Variants in ITPA observed in about 807,000 individuals in gnomAD.
The protein encoded by ITPA is inosine triphosphatase, also known as inosine triphosphate pyrophosphatase.
In ITPA, 29 loss-of-function variants were observed where a neutral mutation model predicts 29.6. That is an observed-to-expected ratio of 0.98 (90% CI 0.73 to 1.34). The LOEUF is 1.34. Ranked by LOEUF, ITPA falls within the 40% of genes most tolerant of loss-of-function variation. The probability of loss-of-function intolerance (pLI) is 0.00; values close to 1 mark genes in which losing one functional copy is unlikely to be tolerated. For synonymous variants in ITPA, 103 were observed against 99.3 expected, an observed-to-expected ratio of 1.04 and a Z score of -0.22; for missense variants, 241 against 251.5, an observed-to-expected ratio of 0.96 and a Z score of 0.28.
At chr20:3,226,353 GA>G (rs1160377415), downstream of ITPA, among the ~76,000 whole-genome samples, 1 of 152,224 alleles carries the variant, frequency 6.6e-6, no homozygotes, top group African/African-American at 2.4e-5. This position sits in a 1 kb window ranked among gnomAD's most constrained non-coding sequence, Gnocchi z 4.4. Flanking sequence ...TGCACAGTGA[GA>G]GCGGAGGAAA....
chr20:3,206,055 C>CAA (rs537649838), upstream of ITPA, among the ~76,000 whole-genome samples: 32 of 58,844 alleles, frequency 5.4e-4, no homozygotes, highest in Admixed American at 2.1e-3. Flanking sequence ...GACTCTGTCT[C>CAA]AAAAAAAAAA....
chr20:3,212,322 A>AT (rs112094744), intron 1 of ITPA, among the ~76,000 whole-genome samples: 1,988 of 146,232 alleles, frequency 0.014, 21 homozygotes, highest in Non-Finnish European at 0.02. Context: ...AATTATCTTA[A>AT]TTTTTTTTTT....
chr20:3,218,074 C>T (rs1166126418), intron 5 of ITPA, among the ~76,000 whole-genome samples: 11 of 152,230 alleles, frequency 7.2e-5, no homozygotes, highest in South Asian at 4.1e-4. Context: ...TCAGCCACCA[C>T]GCCCGGCTAA....
intron 1 of ITPA, among the ~76,000 whole-genome samples, chr20:3,212,473 A>G (rs1238285008): frequency 1.3e-5 from 2 of 152,104 alleles, no homozygotes; most frequent in Non-Finnish European, 2.9e-5. Flanking sequence ...GGCACATGCC[A>G]CTATGCCCAG....
upstream of ITPA, chr20:3,209,485 C>G: frequency 2.1e-6 from 3 of 1,434,550 alleles, no homozygotes; most frequent in Non-Finnish European, 2.9e-6. This position sits in a 1 kb window ranked among gnomAD's most constrained non-coding sequence, Gnocchi z 4.6. Flanking sequence ...CCGCCACCAG[C>G]CGGAAGTTTT....
At chr20:3,213,449 G>C in intron 3 of ITPA, 66 bp downstream of exon 3, 1 of 1,588,232 alleles carries the variant, frequency 6.3e-7, no homozygotes, top group Non-Finnish European at 8.6e-7. Flanking sequence ...GCCTGCGCCT[G>C]CTAGAAACAA....
At position 3,209,566 on chromosome 20, in the gene ITPA, G is replaced by T; in HGVS notation, c.15G>T (p.Leu5Phe). MAAS[L>F]VGKKIVFVTG... ...CGGGGATCACCATGGCGGCCTCATT[G>T]GTGGGGAAGAAGATCGTGTTTGTAA... is the stretch of plus-strand genomic sequence containing the variant. The change falls in exon 1 of 8, where the codon TTG (leucine) becomes TTT (phenylalanine). Residue 5 changes from leucine (L) to phenylalanine (F), a missense_variant. Physicochemically the swap from Leu to Phe is conservative, Grantham distance 22. Transcript: ENST00000380113. The surrounding 1 kb of genome is among the most constrained non-coding windows in gnomAD (Gnocchi z 4.6). 1 of 1,614,152 alleles carries T rather than the reference G, an allele frequency of 6.2e-7. No individual in the cohort carries two copies. Among genetic ancestry groups the T allele is most frequent in the Non-Finnish European group, 8.5e-7 (1 of 1,180,036 alleles).
At chr20:3,210,477 A>T (rs543672448) in intron 1 of ITPA, among the ~76,000 whole-genome samples, 1 of 152,290 alleles carries the variant, frequency 6.6e-6, no homozygotes, top group East Asian at 1.9e-4. Flanking sequence ...AGTGGGGGTC[A>T]TGTGTGGGGG....
upstream of ITPA, chr20:3,204,801 C>A (rs908358521): frequency 3.7e-5 from 22 of 599,876 alleles, no homozygotes; most frequent in African/African-American, 3.2e-4. Flanking sequence ...GTAAAGAAAC[C>A]CACAATGTTA....
downstream of ITPA, among the ~76,000 whole-genome samples, chr20:3,226,280 C>T (rs905750075): frequency 1.3e-5 from 2 of 152,156 alleles, no homozygotes; most frequent in African/African-American, 4.8e-5. The surrounding 1 kb of genome is among the most constrained non-coding windows in gnomAD (Gnocchi z 4.4). Flanking sequence ...TTGGTGGGCA[C>T]CCAGCAGCTG....
chr20:3,207,146 C>T (rs1314730279), upstream of ITPA, among the ~76,000 whole-genome samples: 1 of 152,142 alleles, frequency 6.6e-6, no homozygotes, highest in African/African-American at 2.4e-5. Flanking sequence ...GGCTAGAGTA[C>T]AGTGGCACTC....
chr20:3,215,754 C>T (rs1029371497), intron 5 of ITPA, among the ~76,000 whole-genome samples: 1 of 152,222 alleles, frequency 6.6e-6, no homozygotes, highest in East Asian at 1.9e-4. Context: ...GGTGTGATCT[C>T]GACTCACTGC....
intron 7 of ITPA, among the ~76,000 whole-genome samples, chr20:3,223,051 G>A (rs368448729): frequency 3.9e-5 from 6 of 152,136 alleles, no homozygotes; most frequent in Admixed American, 6.6e-5. Context: ...ACTGCTTCCT[G>A]TCAACAGATG....
intron 6 of ITPA, among the ~76,000 whole-genome samples, chr20:3,219,347 A>G (rs763892733): frequency 1.3e-4 from 19 of 151,244 alleles, no homozygotes; most frequent in Admixed American, 1.3e-3. Context: ...GGTGATTTAC[A>G]CCTGTAATCC....
At chr20:3,226,355 G>A (rs1033328905), downstream of ITPA, among the ~76,000 whole-genome samples, 2 of 152,206 alleles carry the variant, frequency 1.3e-5, no homozygotes, top group African/African-American at 4.8e-5. This position sits in a 1 kb window ranked among gnomAD's most constrained non-coding sequence, Gnocchi z 4.4. Context: ...CACAGTGAGA[G>A]CGGAGGAAAA....
chr20:3,215,660 T>C (rs2067276627), intron 5 of ITPA, among the ~76,000 whole-genome samples: 1 of 152,178 alleles, frequency 6.6e-6, no homozygotes, highest in Non-Finnish European at 1.5e-5. Flanking sequence ...TCACCCACAG[T>C]TGCAAGCCAA....
In ITPA at chr20:3,213,307, T is replaced by G. The variant is rs374874902; in HGVS notation, c.125-12T>G. The G allele has an allele frequency of 9.3e-6, 15 of 1,614,006 alleles. No homozygotes were observed. The highest frequency in any genetic ancestry group is 1.1e-5 in the Non-Finnish European group (13 of 1,179,988). The stretch of plus-strand genomic sequence containing the variant: ...GTGACCTGACTTTCTGTGTGTCTGT[T>G]TCCCTGATAAGTGCCGGAGTACCAG... On this transcript the variant is annotated splice_polypyrimidine_tract_variant and intron_variant, in intron 2 of 7. Transcript: ENST00000380113.
intron 1 of ITPA, among the ~76,000 whole-genome samples, chr20:3,211,476 T>TTTTTG (rs987090603): frequency 7.2e-5 from 10 of 139,294 alleles, no homozygotes; most frequent in Admixed American, 5.0e-4. Context: ...CCCAGCTGTG[T>TTTTTG]TTTTGTTTTG....
chr20:3,221,735 G>T, intron 6 of ITPA, 106 bp from the exon 7 acceptor site: 3 of 1,029,444 alleles, frequency 2.9e-6, no homozygotes, highest in Non-Finnish European at 3.1e-6. Flanking sequence ...TGCGTAAGTT[G>T]GGTCAAATCA....
Sources: allele counts gnomAD v4.1 joint callset (sites outside exome capture counted in the v4.1 genomes callset), GRCh38; gene constraint gnomAD v4.1.1; non-coding constraint Gnocchi (gnomAD v3.1); transcripts MANE v1.5; gene names NCBI Gene and HGNC (gene_info 2026-07-23, HGNC 2026-07-21).